Variants in CCDC6 observed in about 807,000 individuals in gnomAD.
CCDC6 encodes the protein coiled-coil domain containing 6, also known as coiled-coil domain-containing protein 6.
In CCDC6, 20 loss-of-function variants were observed where a neutral mutation model predicts 56.6. The observed-to-expected ratio is 0.35, with a 90% CI of 0.25 to 0.51. The LOEUF is 0.51. Among genes scored for constraint, CCDC6 ranks in the 20% least tolerant of loss-of-function variants. The pLI, the probability that CCDC6 is intolerant of heterozygous loss-of-function variation, is 0.95. For synonymous variants in CCDC6, 241 were observed against 234.4 expected (o/e 1.03, Z -0.26); for missense variants, 367 against 601.1 (o/e 0.61, Z 4.07).
chr10:59,893,631 C>G (rs1453595638), intron 1 of CCDC6, among the ~76,000 whole-genome samples: 1 of 107,788 alleles, frequency 9.3e-6, no homozygotes, highest in East Asian at 2.1e-4. Flanking sequence ...TACATACATA[C>G]ATACATACAT....
intron 1 of CCDC6, among the ~76,000 whole-genome samples, chr10:59,864,744 C>T (rs371492775): frequency 1.4e-4 from 21 of 152,048 alleles, no homozygotes; most frequent in African/African-American, 4.8e-4. Context: ...TCAGCTGAGA[C>T]CCAAGATCAA....
At chr10:59,890,863 T>C (rs1261860519) in intron 1 of CCDC6, among the ~76,000 whole-genome samples, 1 of 152,140 alleles carries the variant, frequency 6.6e-6, no homozygotes, top group Non-Finnish European at 1.5e-5. Flanking sequence ...GTATATCTCC[T>C]AATGCTATCC....
chr10:59,852,070 C>T (rs1316039468), intron 2 of CCDC6, among the ~76,000 whole-genome samples: 1 of 152,166 alleles, frequency 6.6e-6, no homozygotes, highest in East Asian at 1.9e-4. Flanking sequence ...TAACATATTA[C>T]TCACCCATTT....
intron 3 of CCDC6, among the ~76,000 whole-genome samples, chr10:59,829,361 T>A (rs948493775): frequency 6.6e-6 from 1 of 152,248 alleles, no homozygotes; most frequent in South Asian, 2.1e-4. Context: ...TAAAATTACA[T>A]TTTGTTTCCA....
chr10:59,841,151 C>T (rs1280735502), intron 2 of CCDC6, among the ~76,000 whole-genome samples: 1 of 152,190 alleles, frequency 6.6e-6, no homozygotes, highest in Non-Finnish European at 1.5e-5. Context: ...CTCCCCATGA[C>T]GTCAATCTAA....
intron 1 of CCDC6, among the ~76,000 whole-genome samples, chr10:59,896,631 CAAA>C (rs1174756664): frequency 6.8e-6 from 1 of 147,648 alleles, no homozygotes; most frequent in South Asian, 2.2e-4. Flanking sequence ...AACAAACAAA[CAAA>C]AAAAATTAAG....
chr10:59,877,282 A>G lies in CCDC6; in HGVS notation c.304-24580T>C, dbSNP rs563826302. On this transcript the variant is annotated intron_variant, in intron 1 of 8. Transcript: ENST00000263102. ...ACGTATTTAATAAAGCACCAGAATCACTCCTGTAAAGTTTGAAACAAGAGT... is the reference window on the plus strand; with the variant it reads ...ACGTATTTAATAAAGCACCAGAATCGCTCCTGTAAAGTTTGAAACAAGAGT... 2.7e-4 allele frequency among the ~76,000 whole-genome samples: 41 copies of G among 152,164 alleles called. No homozygotes were observed. The South Asian group carries it at 3.3e-3, about 12-fold the overall frequency.
chr10:59,847,003 C>A (rs76594641), intron 2 of CCDC6, among the ~76,000 whole-genome samples: 3,302 of 152,244 alleles, frequency 0.022, 116 homozygotes, highest in African/African-American at 0.073. Flanking sequence ...ATTGATAAGT[C>A]TTCCAGTAGG....
intron 2 of CCDC6, among the ~76,000 whole-genome samples, chr10:59,835,501 C>T (rs1207055705): frequency 2.0e-5 from 3 of 152,206 alleles, no homozygotes; most frequent in African/African-American, 4.8e-5. Context: ...GATGGTAAAG[C>T]TGTCATTACC....
intron 2 of CCDC6, among the ~76,000 whole-genome samples, chr10:59,836,550 C>G (rs913337750): frequency 6.6e-6 from 1 of 152,222 alleles, no homozygotes; most frequent in South Asian, 2.1e-4. Context: ...ATTATTCCAT[C>G]TAATAATAAT....
Position 59,790,407 on chromosome 10 carries a change from C to A in CCDC6, c.*2510G>T, listed in dbSNP as rs1331071268. 1 of 217,562 alleles carries A rather than the reference C, an allele frequency of 4.6e-6. No individual in the cohort carries two copies. Among genetic ancestry groups the A allele is most frequent in the Non-Finnish European group, 9.3e-6 (1 of 108,096 alleles). The allele number at this position is 217,562 out of a possible 1,614,324, so 13.5% of individuals were successfully genotyped here. A position where few individuals can be genotyped will look rare whatever the true frequency, so the allele number is the denominator to read the frequency against. The stretch of plus-strand genomic sequence containing the variant: ...TTCAGCCCCCATGAGAAGTGCCCGA[C>A]TGAGGGAAGTCAGCTTCCCATAGGT... On this transcript the variant is annotated 3_prime_UTR_variant, in exon 9 of 9. Transcript: ENST00000263102.
chr10:59,798,843 A>C (rs2070547609), intron 7 of CCDC6, among the ~76,000 whole-genome samples: 1 of 142,642 alleles, frequency 7.0e-6, no homozygotes. Context: ...AAATACAAAA[A>C]CTAGGTGGGC....
At chr10:59,832,840 T>G (rs2070845678) in intron 2 of CCDC6, among the ~76,000 whole-genome samples, 187 bp from the exon 3 acceptor site, 1 of 152,210 alleles carries the variant, frequency 6.6e-6, no homozygotes, top group African/African-American at 2.4e-5. Flanking sequence ...AAACCAAAAG[T>G]CATAGGGAAT....
chr10:59,809,175 G>A (rs1320828429), intron 5 of CCDC6, among the ~76,000 whole-genome samples: 1 of 152,142 alleles, frequency 6.6e-6, no homozygotes, highest in Non-Finnish European at 1.5e-5. Flanking sequence ...GAACTAGAAG[G>A]GTGACTGTCA....
chr10:59,836,427 G>A (rs970035750), intron 2 of CCDC6, among the ~76,000 whole-genome samples: 1 of 152,134 alleles, frequency 6.6e-6, no homozygotes, highest in Non-Finnish European at 1.5e-5. Context: ...TCTTCAATAT[G>A]GGCAAACTTT....
intron 7 of CCDC6, among the ~76,000 whole-genome samples, chr10:59,803,255 T>C (rs1489312940): frequency 6.6e-6 from 1 of 152,026 alleles, no homozygotes; most frequent in Non-Finnish European, 1.5e-5. Context: ...GAGAGCACAC[T>C]GGCCCATCGG....
chr10:59,901,942 C>T (rs2071505971), intron 1 of CCDC6, among the ~76,000 whole-genome samples: 1 of 93,798 alleles, frequency 1.1e-5, no homozygotes, highest in Non-Finnish European at 2.4e-5. Context: ...ATTTCCCCTA[C>T]TCCAAAAAAA....
At chr10:59,872,699 A>G (rs2071239993) in intron 1 of CCDC6, among the ~76,000 whole-genome samples, 1 of 147,796 alleles carries the variant, frequency 6.8e-6, no homozygotes, top group African/African-American at 2.5e-5. Flanking sequence ...CTAGTTGGAC[A>G]CAAGGATTTC....
chr10:59,811,346 A>G (rs1217145752), intron 5 of CCDC6, among the ~76,000 whole-genome samples: 3 of 152,192 alleles, frequency 2.0e-5, no homozygotes, highest in Admixed American at 6.5e-5. Context: ...TGCACATTCC[A>G]TGTGGCCCAA....
Sources: allele counts gnomAD v4.1 joint callset (sites outside exome capture counted in the v4.1 genomes callset), GRCh38; gene constraint gnomAD v4.1.1; transcripts MANE v1.5; gene names NCBI Gene and HGNC (gene_info 2026-07-23, HGNC 2026-07-21).